Variants in TENM3 observed in about 807,000 individuals in gnomAD.
TENM3 encodes the protein teneurin-3.
TENM3 carries 63 observed loss-of-function variants against 255.1 expected under a neutral mutation model. The ratio of observed to expected loss-of-function variants is 0.25; its 90% CI spans 0.20 to 0.30. The LOEUF is 0.30. Ranked by LOEUF, TENM3 falls within the 10% of genes least tolerant of loss-of-function variation. The probability of loss-of-function intolerance (pLI) is 1.00; values close to 1 mark genes in which losing one functional copy is unlikely to be tolerated. For missense variants in TENM3, 2,929 were observed against 3,461.1 expected, an observed-to-expected ratio of 0.85 and a Z score of 3.86; for synonymous variants, 1,306 against 1,322.3, an observed-to-expected ratio of 0.99 and a Z score of 0.27.
At chr4:182,068,074 G>T in the TENM3 span, among the ~76,000 whole-genome samples, 3 of 152,276 alleles carry the variant, frequency 2.0e-5, no homozygotes, top group Admixed American at 6.5e-5. Flanking sequence ...CCCCAATTTA[G>T]ACAGATGTTG....
At chr4:182,504,524 CA>C (rs1350048961) in intron 3 of TENM3, among the ~76,000 whole-genome samples, 1 of 152,140 alleles carries the variant, frequency 6.6e-6, no homozygotes, top group Non-Finnish European at 1.5e-5. Context: ...TTGGTGATGC[CA>C]CCCTCTGTGA....
intron 13 of TENM3, among the ~76,000 whole-genome samples, chr4:182,719,198 AAC>A (rs1205227018): frequency 6.6e-6 from 1 of 151,526 alleles, no homozygotes; most frequent in Admixed American, 6.6e-5. Flanking sequence ...ACCAAAGCAT[AAC>A]TCCTGCCAAG....
chr4:181,834,066 T>C, the TENM3 span, among the ~76,000 whole-genome samples: 1 of 151,084 alleles, frequency 6.6e-6, no homozygotes, highest in African/African-American at 2.4e-5. Context: ...TTTAGATTCA[T>C]ACATGCAGCA....
At chr4:182,778,573 C>CA (rs1427574787) in intron 24 of TENM3, among the ~76,000 whole-genome samples, 2 of 152,132 alleles carry the variant, frequency 1.3e-5, no homozygotes, top group African/African-American at 4.8e-5. Context: ...TACTTCCCCC[C>CA]ATGACATCTT....
At chr4:182,040,996 A>T in the TENM3 span, among the ~76,000 whole-genome samples, 1 of 152,226 alleles carries the variant, frequency 6.6e-6, no homozygotes, top group South Asian at 2.1e-4. Context: ...ACTGTGGTTT[A>T]AAATGACTGA....
At chr4:181,651,155 T>C in the TENM3 span, among the ~76,000 whole-genome samples, 2 of 152,192 alleles carry the variant, frequency 1.3e-5, no homozygotes, top group Admixed American at 1.3e-4. Context: ...CTTTACAACG[T>C]CTATTGATGG....
At chr4:182,261,414 C>G (rs1432686221) in intron 1 of TENM3, among the ~76,000 whole-genome samples, 1 of 152,110 alleles carries the variant, frequency 6.6e-6, no homozygotes, top group East Asian at 1.9e-4. Context: ...TGATGTCTCC[C>G]CTGTGGCAGC....
intron 12 of TENM3, among the ~76,000 whole-genome samples, chr4:182,705,726 T>G (rs2152653988): frequency 6.6e-6 from 1 of 152,336 alleles, no homozygotes; most frequent in South Asian, 2.1e-4. Context: ...TTAGACCTCA[T>G]TTTTAAATGA....
the TENM3 span, among the ~76,000 whole-genome samples, chr4:181,839,784 C>T: frequency 6.6e-6 from 1 of 151,672 alleles, no homozygotes; most frequent in Admixed American, 6.6e-5. Context: ...TGAAGTTAAT[C>T]TGTCTTTTCT....
chr4:181,851,847 T>C, the TENM3 span, among the ~76,000 whole-genome samples: 7 of 152,298 alleles, frequency 4.6e-5, no homozygotes, highest in Middle Eastern at 3.4e-3. Context: ...GTACATAAAA[T>C]ACAGCGACCA....
chr4:182,104,258 T>A, the TENM3 span, among the ~76,000 whole-genome samples: 1 of 152,068 alleles, frequency 6.6e-6, no homozygotes, highest in Non-Finnish European at 1.5e-5. Context: ...ATCCAGTGTG[T>A]CCCCGTGGAA....
chr4:182,048,324 T>A, the TENM3 span, among the ~76,000 whole-genome samples: 1 of 152,190 alleles, frequency 6.6e-6, no homozygotes, highest in Admixed American at 6.5e-5. Flanking sequence ...AAATATGGAT[T>A]TCATAGATTA....
intron 4 of TENM3, among the ~76,000 whole-genome samples, chr4:182,626,416 T>G (rs183770187): frequency 2.0e-5 from 3 of 152,354 alleles, no homozygotes; most frequent in Admixed American, 2.0e-4. Context: ...TAACTAATGC[T>G]TATTGAGCAC....
chr4:182,512,024 A>G (rs1343749811), intron 3 of TENM3, among the ~76,000 whole-genome samples: 1 of 152,224 alleles, frequency 6.6e-6, no homozygotes, highest in African/African-American at 2.4e-5. Flanking sequence ...CTACCCAGGT[A>G]GATCAGACAT....
chr4:182,066,727 C>G, the TENM3 span, among the ~76,000 whole-genome samples: 375 of 151,662 alleles, frequency 2.5e-3, 1 homozygote, highest in South Asian at 0.011. Flanking sequence ...TGGCTAACAC[C>G]ATGAAACCCC....
At chr4:182,760,320 G>T (rs373739086) in intron 22 of TENM3, among the ~76,000 whole-genome samples, 1 of 152,134 alleles carries the variant, frequency 6.6e-6, no homozygotes, top group Non-Finnish European at 1.5e-5. Context: ...AAGAAACCGC[G>T]GTTCTTACAC....
chr4:182,701,639 G>A (rs1757886417), intron 12 of TENM3, among the ~76,000 whole-genome samples: 2 of 152,102 alleles, frequency 1.3e-5, no homozygotes, highest in African/African-American at 2.4e-5. Flanking sequence ...AAAGCAAAGA[G>A]GAAACTATGT....
At chr4:182,786,569 A>G (rs985067440) in intron 24 of TENM3, among the ~76,000 whole-genome samples, 3 of 151,698 alleles carry the variant, frequency 2.0e-5, no homozygotes, top group Non-Finnish European at 4.4e-5. Flanking sequence ...AAAAAAAAAA[A>G]AAAAAGAAAT....
At chr4:182,379,552 G>A (rs4862047) in intron 3 of TENM3, among the ~76,000 whole-genome samples, 1 of 151,890 alleles carries the variant, frequency 6.6e-6, no homozygotes, top group Admixed American at 6.5e-5. Flanking sequence ...TGTATATAAT[G>A]CAGTAACTAG....
Sources: gnomAD v4.1 joint callset for allele counts (sites outside exome capture counted in the v4.1 genomes callset) on GRCh38, gnomAD v4.1.1 for gene constraint, MANE v1.5 for transcripts, NCBI Gene and HGNC (gene_info 2026-07-23, HGNC 2026-07-21) for gene names.